Variants in MEF2A observed in about 807,000 individuals in gnomAD.
MEF2A encodes the protein myocyte-specific enhancer factor 2A.
Under a neutral mutation model 55.8 loss-of-function variants are expected in MEF2A, and 28 were observed. That is an observed-to-expected ratio of 0.50 (90% confidence interval 0.37 to 0.69). The LOEUF (loss-of-function observed/expected upper bound fraction) is 0.69. Ranked by LOEUF, MEF2A falls within the 30% of genes least tolerant of loss-of-function variation. The pLI is 0.00. For missense variants in MEF2A, 528 were observed against 626.2 expected, an observed-to-expected ratio of 0.84 and a Z score of 1.67; for synonymous variants, 239 against 227.1, an observed-to-expected ratio of 1.05 and a Z score of -0.47.
At chr15:99,593,068 A>G (rs1371515321) in intron 1 of MEF2A, among the ~76,000 whole-genome samples, 1 of 152,202 alleles carries the variant, frequency 6.6e-6, no homozygotes, top group Non-Finnish European at 1.5e-5. Context: ...TAGTTACTAG[A>G]AAATTAAAAC....
At chr15:99,566,483 A>C (rs1365980686) in intron 1 of MEF2A, 13 of 146,750 alleles carry the variant, frequency 8.9e-5, no homozygotes, top group Non-Finnish European at 2.0e-4. Context: ...AGGGGAGCTC[A>C]GTCGCGCGGG....
In MEF2A at chr15:99,702,429, CT is replaced by C. The variant is rs11429799; in HGVS notation, c.859-916del. The stretch of plus-strand genomic sequence containing the variant: ...ATGGAGAAAAGGAGCAAAAATGTTT[CT>C]TTTTTTTTTTTTTTTTGGACGGAGT... On this transcript the variant is annotated intron_variant, in intron 8 of 11. Coordinates refer to ENST00000557942, the MANE Select transcript of MEF2A (RefSeq NM_001319206.4). Among the ~76,000 whole-genome samples, 461 of 134,306 alleles carry C rather than the reference CT, an allele frequency of 3.4e-3. 2 individuals are homozygous for C. Among genetic ancestry groups the C allele is most frequent in the Admixed American group, 5.5e-3 (72 of 13,124 alleles). 88.1% of individuals were successfully genotyped at this position (134,306 alleles called of 152,430 possible).
Position 99,706,779 on chromosome 15 carries a change from A to C in MEF2A, c.933A>C (p.Pro311=). 1 of 1,613,972 alleles carries C rather than the reference A, an allele frequency of 6.2e-7. No individual in the cohort carries two copies. The highest frequency in any genetic ancestry group is 8.5e-7 in the Non-Finnish European group (1 of 1,179,860). ...SSQATQPLAT[P]VVSVTTPSLP... ...AAGCCACTCAACCTCTTGCTACCCC[A>C]GTCGTGTCTGTGACAACCCCAAGCT... Residue 311 remains proline, a synonymous_variant, in exon 10 of 12, where the codon CCA becomes CCC. Coordinates refer to ENST00000557942, the MANE Select transcript of MEF2A (RefSeq NM_001319206.4).
At chr15:99,643,592 ATT>A (rs551157873) in intron 3 of MEF2A, among the ~76,000 whole-genome samples, 10 of 139,616 alleles carry the variant, frequency 7.2e-5, no homozygotes, top group Admixed American at 1.4e-4. Flanking sequence ...TATATTGAGA[ATT>A]TTTTTTTTTT....
intron 2 of MEF2A, among the ~76,000 whole-genome samples, chr15:99,607,461 A>G (rs904917357): frequency 1.2e-4 from 19 of 152,202 alleles, no homozygotes; most frequent in African/African-American, 4.3e-4. Context: ...TTCAGATGAT[A>G]TGAGGTTAAA....
intron 2 of MEF2A, among the ~76,000 whole-genome samples, chr15:99,626,061 TC>T (rs1438557023): frequency 6.6e-6 from 1 of 152,184 alleles, no homozygotes; most frequent in Admixed American, 6.5e-5. Context: ...GTAGAATTCA[TC>T]AATGAAGCCA....
chr15:99,671,527 A>G (rs775203708), intron 5 of MEF2A, 73 bp downstream of exon 5: 2 of 1,613,884 alleles, frequency 1.2e-6, no homozygotes, highest in South Asian at 2.2e-5. Flanking sequence ...TAGGCTCTGA[A>G]CAAGAAGGAA....
chr15:99,621,692 C>T (rs1303765721), intron 2 of MEF2A, among the ~76,000 whole-genome samples: 1 of 152,142 alleles, frequency 6.6e-6, no homozygotes, highest in East Asian at 1.9e-4. Context: ...TTGTCCATGA[C>T]CATCTCAAGT....
Position 99,712,533 on chromosome 15 carries a change from AGCAGCCGCC to A in MEF2A, c.1283_1291del (p.Gln428_Pro430del), listed in dbSNP as rs1478461409. 2.2e-6 allele frequency: 3 copies of A among 1,381,198 alleles called. No individual in the cohort carries two copies. The highest frequency in any genetic ancestry group is 2.1e-5 in the Admixed American group (1 of 47,252). 85.6% of individuals were successfully genotyped at this position (1,381,198 alleles called of 1,614,324 possible). Reference sequence around the variant, plus strand: ...CAGCAGCAGCAGCAGCAGCAGCAGCAGCAGCCGCCGCCACCACCGCAGCCCCAGCCACAA... The same window carrying A: ...CAGCAGCAGCAGCAGCAGCAGCAGCAGCCACCACCGCAGCCCCAGCCACAA... On this transcript the variant is annotated inframe_deletion, in exon 12 of 12. Transcript: ENST00000557942. This position sits in a 1 kb window ranked among gnomAD's most constrained non-coding sequence, Gnocchi z 4.1.
intron 8 of MEF2A, among the ~76,000 whole-genome samples, chr15:99,700,133 C>T (rs1352222767): frequency 2.3e-5 from 3 of 131,176 alleles, no homozygotes; most frequent in Non-Finnish European, 4.8e-5. Flanking sequence ...GCTGGGATTA[C>T]AGGCATGAGC....
At chr15:99,704,079 G>A (rs955656720) in intron 9 of MEF2A, among the ~76,000 whole-genome samples, 9 of 152,170 alleles carry the variant, frequency 5.9e-5, no homozygotes, top group Admixed American at 3.9e-4. Flanking sequence ...AAACCTCACA[G>A]GAGTCATCAT....
intron 4 of MEF2A, among the ~76,000 whole-genome samples, chr15:99,658,777 G>T (rs1362685112): frequency 6.6e-6 from 1 of 152,136 alleles, no homozygotes; most frequent in African/African-American, 2.4e-5. Context: ...GGAGTAGAAT[G>T]CAACCTAGAG....
At position 99,712,907 on chromosome 15, in the gene MEF2A, G is replaced by A; in HGVS notation, c.*136G>A. The stretch of plus-strand genomic sequence containing the variant: ...TATATCCCTTTACATATATATGTAT[G>A]TGGGTGTGAGTGTGTATGTGTGGGT... On this transcript the variant is annotated 3_prime_UTR_variant, in exon 12 of 12. Transcript: ENST00000557942. The surrounding 1 kb of genome is among the most constrained non-coding windows in gnomAD (Gnocchi z 4.1). 1.0e-6 allele frequency: 1 copy of A among 968,982 alleles called. No individual in the cohort carries two copies. The highest frequency in any genetic ancestry group is 1.5e-6 in the Non-Finnish European group (1 of 684,626). 60.0% of individuals were successfully genotyped at this position (968,982 alleles called of 1,614,324 possible).
rs1263580655 is a variant in MEF2A at position 99,714,733 on chromosome 15, A to T, written c.*1962A>T. The T allele has an allele frequency of 1.3e-5, 2 of 152,094 alleles. No individual in the cohort carries two copies. The highest frequency in any genetic ancestry group is 2.1e-4 in the South Asian group (1 of 4,820). The allele number at this position is 152,094 out of a possible 1,614,324, so 9.4% of individuals were successfully genotyped here. On this transcript the variant is annotated 3_prime_UTR_variant, in exon 12 of 12. Coordinates refer to ENST00000557942, the MANE Select transcript of MEF2A (RefSeq NM_001319206.4). Reference sequence around the variant, plus strand: ...CTTTTCCTAAAAAACTCAAGGGTTTAAAAATTGCTATTTTATATTTTAAAT... The same window carrying T: ...CTTTTCCTAAAAAACTCAAGGGTTTTAAAATTGCTATTTTATATTTTAAAT...
chr15:99,593,832 A>G (rs949869712), intron 1 of MEF2A, among the ~76,000 whole-genome samples: 2 of 152,236 alleles, frequency 1.3e-5, no homozygotes, highest in African/African-American at 2.4e-5. Flanking sequence ...AATGTCCTTG[A>G]TAATGCTTCA....
At chr15:99,599,980 A>G (rs529930582) in intron 2 of MEF2A, among the ~76,000 whole-genome samples, 3 of 152,286 alleles carry the variant, frequency 2.0e-5, no homozygotes, top group South Asian at 2.1e-4. Flanking sequence ...CACCATTTTT[A>G]TATAAGAGAC....
intron 1 of MEF2A, among the ~76,000 whole-genome samples, chr15:99,598,144 G>A (rs1971857842): frequency 6.6e-6 from 1 of 152,052 alleles, no homozygotes; most frequent in East Asian, 1.9e-4. Flanking sequence ...TAGGAAAATG[G>A]GACCTAGGAA....
chr15:99,628,999 G>T (rs541426969), intron 2 of MEF2A, among the ~76,000 whole-genome samples: 3 of 140,024 alleles, frequency 2.1e-5, no homozygotes, highest in African/African-American at 5.6e-5. Context: ...CAAAATTTTG[G>T]TTTGGCATTT....
intron 3 of MEF2A, 64 bp from the exon 4 acceptor site, chr15:99,645,497 C>T (rs1450756770): frequency 5.0e-6 from 6 of 1,188,626 alleles, no homozygotes; most frequent in Non-Finnish European, 6.1e-6. Context: ...GATTCATCTT[C>T]AGATAGCCCA....
Sources: allele counts gnomAD v4.1 joint callset (sites outside exome capture counted in the v4.1 genomes callset), GRCh38; gene constraint gnomAD v4.1.1; non-coding constraint Gnocchi (gnomAD v3.1); transcripts MANE v1.5; gene names NCBI Gene and HGNC (gene_info 2026-07-23, HGNC 2026-07-21).